XPR1: variants seen among roughly 807,000 people sequenced by gnomAD.
XPR1 encodes xenotropic and polytropic retrovirus receptor 1.
A neutral mutation model predicts 87.5 loss-of-function variants in XPR1; 28 were observed. That is an observed-to-expected ratio of 0.32 (90% CI 0.24 to 0.44). The LOEUF (loss-of-function observed/expected upper bound fraction) is 0.44, where lower values mean the gene tolerates loss of function less well. Ranked by LOEUF, XPR1 falls within the 20% of genes least tolerant of loss-of-function variation. The pLI is 1.00. For synonymous variants in XPR1, 300 were observed against 306.1 expected (o/e 0.98, Z 0.21); for missense variants, 559 against 862.3 (o/e 0.65, Z 4.41).
chr1:180,636,290 TGG>T (rs926225408), intron 1 of XPR1, among the ~76,000 whole-genome samples: 4 of 152,348 alleles, frequency 2.6e-5, no homozygotes, highest in African/African-American at 9.6e-5. Context: ...GGCCACCCGA[TGG>T]GGCACAAACC....
intron 1 of XPR1, among the ~76,000 whole-genome samples, chr1:180,639,005 T>G (rs1003917923): frequency 3.3e-5 from 5 of 152,084 alleles, no homozygotes; most frequent in African/African-American, 1.2e-4. Context: ...AGAAAATGTT[T>G]TAAAAATTAG....
chr1:180,722,108 GA>G (rs960378260), intron 2 of XPR1, among the ~76,000 whole-genome samples: 9 of 149,670 alleles, frequency 6.0e-5, no homozygotes, highest in African/African-American at 1.5e-4. Context: ...ACAAAAAATA[GA>G]AAAAAAAAAT....
chr1:180,753,540 T>A (rs1328756341), intron 2 of XPR1, among the ~76,000 whole-genome samples: 3 of 150,058 alleles, frequency 2.0e-5, no homozygotes, highest in Admixed American at 6.7e-5. Context: ...GGCAACAGAG[T>A]CAGACCCTGT....
chr1:180,736,905 A>T (rs1658746976), intron 2 of XPR1, among the ~76,000 whole-genome samples: 1 of 152,186 alleles, frequency 6.6e-6, no homozygotes, highest in Admixed American at 6.5e-5. Flanking sequence ...AGTTTCTCGG[A>T]AAGAAATACT....
chr1:180,821,021 T>G (rs1441149866), intron 7 of XPR1, among the ~76,000 whole-genome samples: 1 of 152,142 alleles, frequency 6.6e-6, no homozygotes, highest in Non-Finnish European at 1.5e-5. Flanking sequence ...TTTTTTTACT[T>G]TCTTGATAAT....
intron 11 of XPR1, among the ~76,000 whole-genome samples, chr1:180,858,914 A>G (rs1035921241): frequency 1.3e-5 from 2 of 152,190 alleles, no homozygotes; most frequent in East Asian, 1.9e-4. Context: ...TAATCTGACA[A>G]TTCAAAGGTT....
rs550345497 is a variant in XPR1 at position 180,757,629 on chromosome 1, G to A, written c.122-30124G>A. Among the ~76,000 whole-genome samples, 11 of 150,586 alleles carry A rather than the reference G, an allele frequency of 7.3e-5. No homozygotes were observed. In the South Asian group the frequency reaches 8.5e-4, roughly 12 times the overall value. On this transcript the variant is annotated intron_variant, in intron 2 of 14. Transcript: ENST00000367590. ...ACTCCTGGGCTCAAGAGAGCCTTCC[G>A]CCTCAGCCTTTTGAGTAGGTAGGAC...
intron 1 of XPR1, among the ~76,000 whole-genome samples, chr1:180,638,077 TTTG>T (rs1453243091): frequency 1.3e-5 from 2 of 152,200 alleles, no homozygotes; most frequent in Non-Finnish European, 2.9e-5. Flanking sequence ...AAAAAACTTT[TTTG>T]TTTTTTTAAT....
At chr1:180,662,439 T>A (rs1571695575) in intron 1 of XPR1, among the ~76,000 whole-genome samples, 1 of 152,350 alleles carries the variant, frequency 6.6e-6, no homozygotes, top group East Asian at 1.9e-4. Flanking sequence ...GTACTTTAAA[T>A]GTGTCATGCC....
intron 2 of XPR1, among the ~76,000 whole-genome samples, chr1:180,768,045 T>C (rs58414267): frequency 0.043 from 6,543 of 152,132 alleles, 506 homozygotes; most frequent in African/African-American, 0.15. Context: ...ACGGTTTCAC[T>C]GTGTTAGCCA....
intron 1 of XPR1, among the ~76,000 whole-genome samples, chr1:180,662,966 C>T (rs55742845): frequency 0.013 from 2,002 of 152,310 alleles, 12 homozygotes; most frequent in Middle Eastern, 0.024. Flanking sequence ...AGAATTTCTG[C>T]ATGATTCTTT....
intron 13 of XPR1, 47 bp downstream of exon 13, chr1:180,873,989 A>G: frequency 6.4e-7 from 1 of 1,555,988 alleles, no homozygotes; most frequent in Non-Finnish European, 8.7e-7. Context: ...TTTAACCTAA[A>G]AGACACCCAA....
At chr1:180,664,354 G>A (rs1239258351) in intron 1 of XPR1, among the ~76,000 whole-genome samples, 6 of 152,282 alleles carry the variant, frequency 3.9e-5, no homozygotes, top group South Asian at 2.1e-4. Flanking sequence ...TTCAGCAGAT[G>A]ATGAATCCTG....
chr1:180,839,188 A>G (rs1019304120), intron 11 of XPR1, among the ~76,000 whole-genome samples: 3 of 152,214 alleles, frequency 2.0e-5, no homozygotes, highest in Admixed American at 2.0e-4. Context: ...AAAATTGTAT[A>G]GTGATCTGTC....
At chr1:180,879,222 A>C (rs1471774259) in intron 13 of XPR1, among the ~76,000 whole-genome samples, 1 of 152,108 alleles carries the variant, frequency 6.6e-6, no homozygotes, top group African/African-American at 2.4e-5. Flanking sequence ...CCTTTAAGTC[A>C]CCATCATCTC....
chr1:180,883,324 G>T lies in XPR1; in HGVS notation c.2031-682G>T, dbSNP rs929027312. ...GATATGCATACTGTCTCCATGAGGT[G>T]AAAGTGGTATTCAGTGAAATCGGTG... On this transcript the variant is annotated intron_variant, in intron 14 of 14. Coordinates refer to ENST00000367590, the MANE Select transcript of XPR1 (RefSeq NM_004736.4). Among the ~76,000 whole-genome samples the T allele has an allele frequency of 1.1e-4, 17 of 152,096 alleles. No homozygotes were observed. In the East Asian group the frequency reaches 3.3e-3, roughly 29 times the overall value.
In XPR1 at chr1:180,719,408, T is replaced by C. The variant is rs992932437; in HGVS notation, c.121+36997T>C. Among the ~76,000 whole-genome samples, 30 of 152,232 alleles carry C rather than the reference T, an allele frequency of 2.0e-4. 2 individuals are homozygous for C. Among genetic ancestry groups the C allele is most frequent in the Non-Finnish European group, 5.9e-5 (4 of 68,036 alleles). On this transcript the variant is annotated intron_variant, in intron 2 of 14. Transcript: ENST00000367590. Reference sequence around the variant, plus strand: ...ATGATATTGGCATCAGTTGATGACATTGGCAAAATGTTAATAATTGTTGAA... The same window carrying C: ...ATGATATTGGCATCAGTTGATGACACTGGCAAAATGTTAATAATTGTTGAA...
intron 2 of XPR1, among the ~76,000 whole-genome samples, chr1:180,744,736 C>T (rs1373277661): frequency 1.4e-5 from 2 of 146,050 alleles, no homozygotes; most frequent in Admixed American, 1.4e-4. Context: ...CTGCAGCCTC[C>T]GCCTCCCGGG....
chr1:180,865,742 C>A (rs77722411), intron 12 of XPR1, among the ~76,000 whole-genome samples: 6,546 of 152,166 alleles, frequency 0.043, 502 homozygotes, highest in African/African-American at 0.15. Context: ...CCCGCTTTTA[C>A]ATAGTTCTAA....
Sources: gnomAD v4.1 joint callset for allele counts (sites outside exome capture counted in the v4.1 genomes callset) on GRCh38, gnomAD v4.1.1 for gene constraint, MANE v1.5 for transcripts, NCBI Gene and HGNC (gene_info 2026-07-23, HGNC 2026-07-21) for gene names.